Variants in NPAS3 observed in about 807,000 individuals in gnomAD.
The protein encoded by NPAS3 is neuronal PAS domain protein 3.
Under a neutral mutation model 73.1 loss-of-function variants are expected in NPAS3, and 14 were observed. That is an observed-to-expected ratio of 0.19 (90% CI 0.13 to 0.30). The LOEUF (loss-of-function observed/expected upper bound fraction) is 0.30. Ranked by LOEUF, NPAS3 falls within the 10% of genes least tolerant of loss-of-function variation. NPAS3 has a pLI of 1.00. For synonymous variants in NPAS3, 620 were observed against 541.5 expected (o/e 1.14, Z -2.01); for missense variants, 1,096 against 1,250.0 (o/e 0.88, Z 1.86).
intron 4 of NPAS3, among the ~76,000 whole-genome samples, chr14:33,428,110 GT>G (rs2048630716): frequency 1.3e-5 from 2 of 152,012 alleles, no homozygotes; most frequent in South Asian, 4.1e-4. Context: ...TTCCAAAGAG[GT>G]TTTTCATTCC....
At chr14:33,361,690 A>G (rs118052183) in intron 3 of NPAS3, among the ~76,000 whole-genome samples, 1 of 152,216 alleles carries the variant, frequency 6.6e-6, no homozygotes, top group Admixed American at 6.5e-5. Flanking sequence ...TTATTGGATT[A>G]AATATTCTTT....
intron 4 of NPAS3, among the ~76,000 whole-genome samples, chr14:33,505,625 T>G (rs2052721018): frequency 6.6e-6 from 1 of 152,010 alleles, no homozygotes; most frequent in Non-Finnish European, 1.5e-5. Flanking sequence ...TGAGCCATAG[T>G]CAAATCAGCA....
At chr14:33,482,752 C>G (rs558944038) in intron 4 of NPAS3, among the ~76,000 whole-genome samples, 90 of 152,186 alleles carry the variant, frequency 5.9e-4, no homozygotes, top group African/African-American at 2.1e-3. Context: ...TTTGCCCAAC[C>G]TTCACCCCAC....
At chr14:33,693,234 C>T (rs959358979) in intron 6 of NPAS3, among the ~76,000 whole-genome samples, 1 of 152,070 alleles carries the variant, frequency 6.6e-6, no homozygotes, top group African/African-American at 2.4e-5. Context: ...ATTGTTATTC[C>T]TTTGGGGGAC....
chr14:32,981,544 C>T lies in NPAS3; in HGVS notation c.50+42178C>T, dbSNP rs1009756384. ...GAGGAACTTTATCAATTATATTTCA[C>T]ATTAAAATGTTCAGACTTTATTTTT... On this transcript the variant is annotated intron_variant, in intron 1 of 11. Coordinates refer to ENST00000356141, the Ensembl canonical transcript of NPAS3. Among the ~76,000 whole-genome samples, 5 of 152,200 alleles carry T rather than the reference C, an allele frequency of 3.3e-5. No homozygotes were observed. In the South Asian group the frequency reaches 1.0e-3, roughly 32 times the overall value.
At chr14:33,430,958 G>A (rs999700484) in intron 4 of NPAS3, among the ~76,000 whole-genome samples, 9 of 152,158 alleles carry the variant, frequency 5.9e-5, no homozygotes, top group Non-Finnish European at 1.2e-4. Context: ...ATGGAAGCAT[G>A]CAGACTCCAG....
chr14:33,479,621 AG>A (rs1467860097), intron 4 of NPAS3, among the ~76,000 whole-genome samples: 1 of 152,210 alleles, frequency 6.6e-6, no homozygotes, highest in Non-Finnish European at 1.5e-5. Context: ...AAGTTCTTAT[AG>A]GAGTTGGCAG....
At chr14:33,758,757 G>A (rs1241149229) in intron 7 of NPAS3, among the ~76,000 whole-genome samples, 4 of 152,114 alleles carry the variant, frequency 2.6e-5, no homozygotes, top group Non-Finnish European at 4.4e-5. Context: ...AGCAGAAAAA[G>A]CCTACTCAAA....
chr14:33,129,110 C>T (rs1381825791), intron 2 of NPAS3, among the ~76,000 whole-genome samples: 2 of 152,012 alleles, frequency 1.3e-5, no homozygotes, highest in Non-Finnish European at 2.9e-5. Flanking sequence ...CAGAGGACTC[C>T]CTGGATGTGG....
In NPAS3 at chr14:33,241,385, A is replaced by G. The variant is rs139632507; in HGVS notation, c.385+25959A>G. ...GCATCAAAGGTGTTTAACACAAACTATGTAGCTGTCTTAGAAGAGAGCATG... is the reference window on the plus strand; with the variant it reads ...GCATCAAAGGTGTTTAACACAAACTGTGTAGCTGTCTTAGAAGAGAGCATG... On this transcript the variant is annotated intron_variant, in intron 3 of 11. Transcript: ENST00000356141. 3.3e-5 allele frequency among the ~76,000 whole-genome samples: 5 copies of G among 152,078 alleles called. No individual in the cohort carries two copies. The East Asian group carries it at 5.8e-4, about 18-fold the overall frequency.
At chr14:33,051,863 G>T (rs1185969939) in intron 1 of NPAS3, among the ~76,000 whole-genome samples, 1 of 152,108 alleles carries the variant, frequency 6.6e-6, no homozygotes, top group Non-Finnish European at 1.5e-5. Context: ...GGGTTCAAGC[G>T]ATTCTCCTGC....
intron 3 of NPAS3, among the ~76,000 whole-genome samples, chr14:33,325,750 A>G (rs1185353351): frequency 7.1e-6 from 1 of 140,624 alleles, no homozygotes; most frequent in Non-Finnish European, 1.5e-5. Context: ...TTTTTTTGGT[A>G]CCCATTAACC....
intron 5 of NPAS3, among the ~76,000 whole-genome samples, chr14:33,595,615 A>G (rs373370228): frequency 5.9e-5 from 9 of 152,354 alleles, no homozygotes; most frequent in African/African-American, 2.2e-4. Flanking sequence ...AGAAAGATGG[A>G]AAAGGTAAGG....
chr14:33,135,215 T>C (rs569318529), intron 2 of NPAS3, among the ~76,000 whole-genome samples: 6 of 152,332 alleles, frequency 3.9e-5, no homozygotes, highest in Admixed American at 2.6e-4. Context: ...CCTGAAGTTA[T>C]AGGGACAAGT....
At chr14:33,126,087 A>G (rs2139071919) in intron 2 of NPAS3, among the ~76,000 whole-genome samples, 1 of 152,328 alleles carries the variant, frequency 6.6e-6, no homozygotes, top group African/African-American at 2.4e-5. Context: ...GGCAACTTTA[A>G]GAGCCCCATA....
chr14:33,407,716 T>C (rs1004088334), intron 4 of NPAS3, among the ~76,000 whole-genome samples: 3 of 152,234 alleles, frequency 2.0e-5, no homozygotes, highest in South Asian at 2.1e-4. Flanking sequence ...TCATTTTTTT[T>C]CCCTCTCTTC....
chr14:33,662,804 C>G (rs1303792841), intron 5 of NPAS3, among the ~76,000 whole-genome samples: 1 of 150,810 alleles, frequency 6.6e-6, no homozygotes, highest in Non-Finnish European at 1.5e-5. Context: ...GATTTTGTAT[C>G]CTGAGACTTT....
At chr14:33,123,237 G>A (rs911900356) in intron 2 of NPAS3, among the ~76,000 whole-genome samples, 2 of 151,940 alleles carry the variant, frequency 1.3e-5, no homozygotes, top group African/African-American at 2.4e-5. Flanking sequence ...AGATCATCAC[G>A]GGAGACATTT....
rs77461598 is a variant in NPAS3 at position 33,635,243 on chromosome 14, C to G, written c.559-40968C>G. Among the ~76,000 whole-genome samples, 1,476 of 152,226 alleles carry G rather than the reference C, an allele frequency of 9.7e-3. 47 individuals carry two copies. The East Asian group carries it at 0.12, about 13-fold the overall frequency. The stretch of plus-strand genomic sequence containing the variant: ...AGGAAGAGGCCTGGGATATGCCCAT[C>G]ACATCTGAGAATTAGCAGATTGGTG... On this transcript the variant is annotated intron_variant, in intron 5 of 11. Coordinates refer to ENST00000356141, the Ensembl canonical transcript of NPAS3.
Sources: allele counts gnomAD v4.1 joint callset (sites outside exome capture counted in the v4.1 genomes callset), GRCh38; gene constraint gnomAD v4.1.1; transcripts MANE v1.5; gene names NCBI Gene and HGNC (gene_info 2026-07-23, HGNC 2026-07-21).